The following SCLT1 variants were observed in gnomAD, a reference collection of about 807,000 sequenced individuals.
The protein encoded by SCLT1 is sodium channel and clathrin linker 1.
Under a neutral mutation model 112.8 loss-of-function variants are expected in SCLT1, and 78 were observed. The ratio of observed to expected loss-of-function variants is 0.69; its 90% CI spans 0.58 to 0.83. SCLT1 has a LOEUF of 0.83. Ranked by LOEUF, SCLT1 falls within the 40% of genes least tolerant of loss-of-function variation. The probability of loss-of-function intolerance (pLI) is 0.00; values close to 1 mark genes in which losing one functional copy is unlikely to be tolerated. For synonymous variants in SCLT1, 257 were observed against 254.7 expected, an observed-to-expected ratio of 1.01 and a Z score of -0.09; for missense variants, 747 against 770.4, an observed-to-expected ratio of 0.97 and a Z score of 0.36.
chr4:128,918,972 A>G (rs1186545182), intron 18 of SCLT1, among the ~76,000 whole-genome samples: 1 of 152,180 alleles, frequency 6.6e-6, no homozygotes, highest in African/African-American at 2.4e-5. Flanking sequence ...AGCACACAAT[A>G]ATAGTGGGAG....
intron 5 of SCLT1, among the ~76,000 whole-genome samples, chr4:129,021,261 C>G (rs1403479615): frequency 6.6e-6 from 1 of 152,188 alleles, no homozygotes; most frequent in Non-Finnish European, 1.5e-5. Context: ...GTGCCTAAAC[C>G]ACCAGGGCCC....
chr4:129,022,962 A>T (rs945964822), intron 5 of SCLT1, among the ~76,000 whole-genome samples: 2 of 152,220 alleles, frequency 1.3e-5, no homozygotes, highest in African/African-American at 4.8e-5. Context: ...CAGAAATCCT[A>T]CAGGCCAGAA....
rs1451423866 is a variant in SCLT1 at position 128,939,329 on chromosome 4, A to G, written c.1633-2478T>C. Among the ~76,000 whole-genome samples the G allele has an allele frequency of 2.0e-5, 3 of 152,320 alleles. No individual in the cohort carries two copies. In the East Asian group the frequency reaches 5.8e-4, roughly 29 times the overall value. ...TACGGTTGTCAAAACATATTTGCAG[A>G]TTGAATGGTGGCTTTTTGATGTCAA... On this transcript the variant is annotated intron_variant, in intron 17 of 20. Transcript: ENST00000281142.
At chr4:129,056,738 A>G (rs1749431713) in intron 2 of SCLT1, among the ~76,000 whole-genome samples, 1 of 152,158 alleles carries the variant, frequency 6.6e-6, no homozygotes, top group Admixed American at 6.6e-5. Flanking sequence ...GTTTTGGTGG[A>G]GGTTTTACAT....
chr4:128,955,029 AAGTC>A (rs1343092938), intron 13 of SCLT1, among the ~76,000 whole-genome samples: 4 of 152,188 alleles, frequency 2.6e-5, no homozygotes, highest in Admixed American at 2.6e-4. Context: ...AATCCTGGCA[AAGTC>A]AGACGAATCA....
chr4:129,066,500 C>T (rs1333343656), intron 2 of SCLT1, among the ~76,000 whole-genome samples: 1 of 151,946 alleles, frequency 6.6e-6, no homozygotes, highest in African/African-American at 2.4e-5. Context: ...CCACCTCCAG[C>T]AATTCTAGTA....
chr4:128,987,387 A>G (rs1315768284), intron 9 of SCLT1, among the ~76,000 whole-genome samples: 1 of 152,224 alleles, frequency 6.6e-6, no homozygotes, highest in Non-Finnish European at 1.5e-5. Flanking sequence ...TGACGGAGAT[A>G]TGTGACATTT....
chr4:129,043,555 T>G lies in SCLT1; in HGVS notation c.162-88A>C, dbSNP rs1475844764. 6.3e-6 allele frequency: 4 copies of G among 630,754 alleles called. No individual in the cohort carries two copies. The Admixed American group carries it at 1.4e-4, about 22-fold the overall frequency. 39.1% of individuals were successfully genotyped at this position (630,754 alleles called of 1,614,324 possible). On this transcript the variant is annotated intron_variant, in intron 3 of 20. Transcript: ENST00000281142. ...AGTGAAATAAATTACACATAAAAATTTTATGTTTAGTTTACTCATGCAATA... is the reference window on the plus strand; with the variant it reads ...AGTGAAATAAATTACACATAAAAATGTTATGTTTAGTTTACTCATGCAATA...
chr4:129,048,523 A>T (rs1295775187), intron 2 of SCLT1, among the ~76,000 whole-genome samples: 1 of 150,594 alleles, frequency 6.6e-6, no homozygotes, highest in Non-Finnish European at 1.5e-5. Flanking sequence ...AACCATAAAA[A>T]CCCTAGAAGA....
chr4:129,053,495 ATC>A (rs1163806237), intron 2 of SCLT1, among the ~76,000 whole-genome samples: 1 of 126,698 alleles, frequency 7.9e-6, no homozygotes, highest in East Asian at 2.3e-4. Context: ...GCCCTTCTTT[ATC>A]TCTTTTGACC....
chr4:128,961,631 T>C (rs1047095086), intron 11 of SCLT1, among the ~76,000 whole-genome samples: 1 of 152,140 alleles, frequency 6.6e-6, no homozygotes, highest in Non-Finnish European at 1.5e-5. Flanking sequence ...TTCTCATGTG[T>C]TTGGTAATTT....
At chr4:129,039,444 T>C in intron 4 of SCLT1, 1 of 178,768 alleles carries the variant, frequency 5.6e-6, no homozygotes, top group Non-Finnish European at 1.2e-5. Flanking sequence ...ATCTTGAATG[T>C]ATATCTTAGT....
At chr4:128,979,965 A>C (rs560815554) in intron 9 of SCLT1, among the ~76,000 whole-genome samples, 1 of 152,246 alleles carries the variant, frequency 6.6e-6, no homozygotes, top group African/African-American at 2.4e-5. Context: ...ATATATAAAC[A>C]TTATTGAATA....
chr4:128,934,397 A>G (rs901350436), intron 18 of SCLT1, among the ~76,000 whole-genome samples: 3 of 151,896 alleles, frequency 2.0e-5, no homozygotes, highest in African/African-American at 7.2e-5. Context: ...ATATTGCTCC[A>G]TGTGCTAGGA....
chr4:129,006,120 AC>A lies in SCLT1; in HGVS notation c.291-2245del, dbSNP rs548022079. Among the ~76,000 whole-genome samples the A allele has an allele frequency of 1.3e-3, 194 of 152,000 alleles. 1 individual carries two copies. The highest frequency in any genetic ancestry group is 4.5e-3 in the African/African-American group (188 of 41,482). On this transcript the variant is annotated intron_variant, in intron 5 of 20. Transcript: ENST00000281142. ...AGCATGGCACAGGTATACATATGTA[AC>A]TAACCTGCACATTGTGCACATGTAC...
At chr4:128,991,660 C>T (rs778735649) in intron 9 of SCLT1, among the ~76,000 whole-genome samples, 18 of 151,584 alleles carry the variant, frequency 1.2e-4, no homozygotes, top group Non-Finnish European at 2.2e-4. Flanking sequence ...GGGCAAAATA[C>T]CTGAATAGTA....
At chr4:128,993,325 C>T (rs1415034435) in intron 8 of SCLT1, among the ~76,000 whole-genome samples, 1 of 151,954 alleles carries the variant, frequency 6.6e-6, no homozygotes, top group Non-Finnish European at 1.5e-5. Context: ...CAGCTTTTCC[C>T]AGAACTCCTA....
chr4:128,990,123 A>G (rs1260635781), intron 9 of SCLT1, among the ~76,000 whole-genome samples: 1 of 152,022 alleles, frequency 6.6e-6, no homozygotes, highest in African/African-American at 2.4e-5. Context: ...CCCTGCTACC[A>G]AAACCAGACA....
intron 3 of SCLT1, 33 bp downstream of exon 3, chr4:129,043,960 G>A (rs754200905): frequency 5.7e-6 from 6 of 1,051,052 alleles, no homozygotes; most frequent in African/African-American, 1.6e-5. Flanking sequence ...TAAATATAAC[G>A]AAGAAAATGA....
Sources: allele counts gnomAD v4.1 joint callset (sites outside exome capture counted in the v4.1 genomes callset), GRCh38; gene constraint gnomAD v4.1.1; transcripts MANE v1.5; gene names NCBI Gene and HGNC (gene_info 2026-07-23, HGNC 2026-07-21).